AGBL4: variants seen among roughly 807,000 people sequenced by gnomAD.
The protein encoded by AGBL4 is AGBL carboxypeptidase 4, also known as cytosolic carboxypeptidase 6.
AGBL4 carries 58 observed loss-of-function variants against 66.4 expected under a neutral mutation model. The observed-to-expected ratio is 0.87, with a 90% confidence interval of 0.71 to 1.09. AGBL4 has a LOEUF of 1.09. Ranked by LOEUF, AGBL4 falls within the 50% of genes least tolerant of loss-of-function variation. The probability of loss-of-function intolerance (pLI) is 0.00; values close to 1 mark genes in which losing one functional copy is unlikely to be tolerated. For missense variants in AGBL4, 579 were observed against 631.0 expected, an observed-to-expected ratio of 0.92 and a Z score of 0.88; for synonymous variants, 234 against 222.9, an observed-to-expected ratio of 1.05 and a Z score of -0.44.
chr1:48,549,895 C>T (rs1644224180), intron 11 of AGBL4, among the ~76,000 whole-genome samples: 1 of 151,934 alleles, frequency 6.6e-6, no homozygotes, highest in Non-Finnish European at 1.5e-5. Context: ...CCGCAGAGGA[C>T]AGACTGTAAA....
At chr1:49,947,296 C>T (rs549976740) in intron 1 of AGBL4, among the ~76,000 whole-genome samples, 27 of 151,944 alleles carry the variant, frequency 1.8e-4, no homozygotes, top group African/African-American at 6.0e-4. Flanking sequence ...AAATCCTAAA[C>T]AAAATACTAC....
chr1:49,442,017 T>C (rs1178034939), intron 3 of AGBL4, among the ~76,000 whole-genome samples: 1 of 152,198 alleles, frequency 6.6e-6, no homozygotes, highest in Non-Finnish European at 1.5e-5. Context: ...GCCCACGATA[T>C]GGCACCATTC....
At chr1:48,619,863 G>A (rs965975861) in intron 9 of AGBL4, among the ~76,000 whole-genome samples, 8 of 152,218 alleles carry the variant, frequency 5.3e-5, no homozygotes, top group African/African-American at 1.7e-4. Context: ...GCCTCTGTGA[G>A]AGAAGCCCCG....
intron 2 of AGBL4, among the ~76,000 whole-genome samples, chr1:49,820,743 G>A (rs982304659): frequency 2.6e-5 from 4 of 152,110 alleles, no homozygotes; most frequent in Admixed American, 2.6e-4. Context: ...CTAATAATGA[G>A]CCAGGAAATA....
intron 6 of AGBL4, among the ~76,000 whole-genome samples, chr1:48,798,056 T>C (rs1311576378): frequency 6.6e-6 from 1 of 152,244 alleles, no homozygotes; most frequent in Non-Finnish European, 1.5e-5. Flanking sequence ...CTCTCCATAC[T>C]GTTTTCCAGA....
chr1:48,924,108 G>A (rs1654322789), intron 5 of AGBL4, among the ~76,000 whole-genome samples: 1 of 151,894 alleles, frequency 6.6e-6, no homozygotes, highest in Non-Finnish European at 1.5e-5. Context: ...AAAAACTATA[G>A]CTTTACAAGC....
At chr1:49,341,656 T>C (rs1052978697) in intron 3 of AGBL4, among the ~76,000 whole-genome samples, 6 of 152,190 alleles carry the variant, frequency 3.9e-5, no homozygotes, top group African/African-American at 1.4e-4. Context: ...CTGATGGCTG[T>C]GAGTGACAGG....
chr1:48,891,610 G>C (rs1650981429), intron 5 of AGBL4, among the ~76,000 whole-genome samples: 1 of 152,170 alleles, frequency 6.6e-6, no homozygotes, highest in South Asian at 2.1e-4. Flanking sequence ...TTTGTCTTCT[G>C]CCCAGAGATT....
chr1:48,583,824 C>T (rs1644774606), intron 11 of AGBL4: 1 of 150,908 alleles, frequency 6.6e-6, no homozygotes, highest in Non-Finnish European at 1.5e-5. Flanking sequence ...ATCTGTCTCC[C>T]TGAAGTCTCC....
At chr1:48,997,060 T>A (rs1661071093) in intron 5 of AGBL4, among the ~76,000 whole-genome samples, 1 of 152,054 alleles carries the variant, frequency 6.6e-6, no homozygotes, top group African/African-American at 2.4e-5. Flanking sequence ...ATAGCTGTGA[T>A]TACAGGTGCC....
chr1:48,788,260 C>T (rs1645456178), intron 6 of AGBL4, among the ~76,000 whole-genome samples: 1 of 152,188 alleles, frequency 6.6e-6, no homozygotes, highest in Non-Finnish European at 1.5e-5. Flanking sequence ...TCATTCTTAC[C>T]TTCTGAGATA....
At chr1:48,802,756 G>A (rs936315990) in intron 6 of AGBL4, among the ~76,000 whole-genome samples, 6 of 152,060 alleles carry the variant, frequency 3.9e-5, no homozygotes, top group African/African-American at 1.2e-4. Context: ...CCTGCCTCTG[G>A]CACCACCCTC....
At chr1:48,927,338 G>C (rs1654665273) in intron 5 of AGBL4, among the ~76,000 whole-genome samples, 1 of 152,128 alleles carries the variant, frequency 6.6e-6, no homozygotes, top group Admixed American at 6.6e-5. Context: ...CATGTGCAGG[G>C]TAACTCCGCT....
At chr1:49,760,937 A>G (rs898503973) in intron 2 of AGBL4, among the ~76,000 whole-genome samples, 4 of 151,998 alleles carry the variant, frequency 2.6e-5, no homozygotes, top group Admixed American at 2.6e-4. Context: ...ACCAAATATC[A>G]CATGTTTTCC....
rs1238857936 is a variant in AGBL4 at position 48,534,017 on chromosome 1, A to C, written c.*156T>G. The C allele has an allele frequency of 8.0e-7, 1 of 1,255,068 alleles. No individual in the cohort carries two copies. The highest frequency in any genetic ancestry group is 1.3e-5 in the South Asian group (1 of 74,618). The allele number at this position is 1,255,068 out of a possible 1,614,324, so 77.7% of individuals were successfully genotyped here. On this transcript the variant is annotated 3_prime_UTR_variant, in exon 14 of 14. Coordinates refer to ENST00000371839, the MANE Select transcript of AGBL4 (RefSeq NM_032785.4). ...ATTGATTTTCCATTGGAAAAAGGGA[A>C]AATCAGTGATGAAGTTTCTCATTGT... is the stretch of plus-strand genomic sequence containing the variant.
intron 2 of AGBL4, among the ~76,000 whole-genome samples, chr1:49,750,359 C>G (rs1450495525): frequency 6.6e-6 from 1 of 152,040 alleles, no homozygotes; most frequent in Non-Finnish European, 1.5e-5. Context: ...ATCATTTCTC[C>G]ATTGCTTGAT....
chr1:49,560,608 T>A (rs2148852674), intron 3 of AGBL4, among the ~76,000 whole-genome samples: 1 of 152,220 alleles, frequency 6.6e-6, no homozygotes, highest in Admixed American at 6.5e-5. Context: ...AACGTCCAAG[T>A]ACAGGAAGAT....
chr1:49,967,026 G>C (rs1481986289), intron 1 of AGBL4, among the ~76,000 whole-genome samples: 3 of 152,072 alleles, frequency 2.0e-5, no homozygotes, highest in Admixed American at 2.0e-4. Flanking sequence ...ACCCAGTAAT[G>C]GGATTACTGG....
At chr1:48,879,308 C>T (rs903203602) in intron 5 of AGBL4, among the ~76,000 whole-genome samples, 1 of 151,792 alleles carries the variant, frequency 6.6e-6, no homozygotes, top group Non-Finnish European at 1.5e-5. Flanking sequence ...AGTGTGCACA[C>T]AAGCATACTC....
Sources: gnomAD v4.1 joint callset for allele counts (sites outside exome capture counted in the v4.1 genomes callset) on GRCh38, gnomAD v4.1.1 for gene constraint, MANE v1.5 for transcripts, NCBI Gene and HGNC (gene_info 2026-07-23, HGNC 2026-07-21) for gene names.